Variants in PSME4 observed in about 807,000 individuals in gnomAD.
PSME4 encodes the protein proteasome activator subunit 4, also known as proteasome activator complex subunit 4.
Under a neutral mutation model 253.9 loss-of-function variants are expected in PSME4, and 89 were observed. The observed-to-expected ratio is 0.35, with a 90% CI of 0.30 to 0.42. The LOEUF (loss-of-function observed/expected upper bound fraction) is 0.42, where lower values mean the gene tolerates loss of function less well. Among genes scored for constraint, PSME4 ranks in the 10% least tolerant of loss-of-function variants. The probability of loss-of-function intolerance (pLI) is 1.00; values close to 1 mark genes in which losing one functional copy is unlikely to be tolerated. For missense variants in PSME4, 2,014 were observed against 2,195.2 expected (o/e 0.92, Z 1.65); for synonymous variants, 851 against 759.2 (o/e 1.12, Z -1.99).
chr2:53,915,568 T>G (rs1668021520), intron 20 of PSME4, among the ~76,000 whole-genome samples: 1 of 152,054 alleles, frequency 6.6e-6, no homozygotes, highest in Non-Finnish European at 1.5e-5. Context: ...CTCTATATTT[T>G]TTTTAAAGTA....
chr2:53,892,987 T>C, intron 35 of PSME4, 27 bp from the exon 36 acceptor site: 1 of 1,585,698 alleles, frequency 6.3e-7, no homozygotes, highest in Non-Finnish European at 8.6e-7. Context: ...TGTTCTTCAG[T>C]ACTCAAATGA....
At chr2:53,909,042 T>C (rs59972506) in intron 21 of PSME4, among the ~76,000 whole-genome samples, 31 of 152,072 alleles carry the variant, frequency 2.0e-4, no homozygotes, top group African/African-American at 6.7e-4. Context: ...TTATGAGATG[T>C]CTATCATGCT....
At chr2:53,908,043 A>G in intron 24 of PSME4, 1 of 334,560 alleles carries the variant, frequency 3.0e-6, no homozygotes, top group Admixed American at 4.5e-5. Flanking sequence ...AAATTCCTTC[A>G]AGTTCTTACA....
At chr2:53,932,868 T>G (rs946216556) in intron 8 of PSME4, 108 bp from the exon 9 acceptor site, 4 of 740,462 alleles carry the variant, frequency 5.4e-6, no homozygotes, top group Non-Finnish European at 8.9e-6. Flanking sequence ...TATAGTCAAC[T>G]TGCTGACAAA....
Position 53,925,602 on chromosome 2 carries a change from G to C in PSME4, c.1746C>G (p.Val582=), listed in dbSNP as rs780786714. Residue 582 remains valine (V), a synonymous_variant, in exon 14 of 47, where the codon GTC becomes GTG. Coordinates refer to ENST00000404125, the MANE Select transcript of PSME4 (RefSeq NM_014614.3). ...TAAACGTAGAAGACAGACCTAATTC[G>C]ACCAAACTCTCCAAGTGTGTCATTT... ...TEKMTHLESL[V]ELGLSSTFST... is the part of the protein sequence containing the mutation. 2 of 1,609,776 alleles carry C rather than the reference G, an allele frequency of 1.2e-6. No homozygotes were observed. Among genetic ancestry groups the C allele is most frequent in the South Asian group, 2.2e-5 (2 of 90,814 alleles).
intron 7 of PSME4, among the ~76,000 whole-genome samples, chr2:53,934,983 G>C (rs1314989416): frequency 1.3e-5 from 2 of 152,224 alleles, no homozygotes; most frequent in Non-Finnish European, 2.9e-5. Flanking sequence ...CCAAAGAACA[G>C]ACAAATGTGA....
At chr2:53,966,589 G>A (rs891485809) in intron 1 of PSME4, among the ~76,000 whole-genome samples, 1 of 151,994 alleles carries the variant, frequency 6.6e-6, no homozygotes, top group Non-Finnish European at 1.5e-5. Context: ...TAATAATGTT[G>A]GAGGCAAGGC....
intron 20 of PSME4, among the ~76,000 whole-genome samples, chr2:53,918,555 G>T (rs1399800736): frequency 6.6e-6 from 1 of 152,004 alleles, no homozygotes; most frequent in Non-Finnish European, 1.5e-5. Flanking sequence ...CATCCAGGCT[G>T]ATCTCAAACT....
chr2:53,876,110 A>G (rs890141606), intron 41 of PSME4, among the ~76,000 whole-genome samples: 2 of 152,254 alleles, frequency 1.3e-5, no homozygotes, highest in Non-Finnish European at 2.9e-5. Context: ...CGTTACAGTT[A>G]TAATATAAAA....
intron 1 of PSME4, among the ~76,000 whole-genome samples, chr2:53,955,820 G>T (rs1170197836): frequency 6.6e-6 from 1 of 152,012 alleles, no homozygotes; most frequent in African/African-American, 2.4e-5. Context: ...AACTCAGGAG[G>T]CTGAGGTGGG....
chr2:53,898,068 A>C, intron 30 of PSME4, 69 bp from the exon 31 acceptor site: 2 of 1,502,794 alleles, frequency 1.3e-6, no homozygotes, highest in South Asian at 2.4e-5. Flanking sequence ...ACTGTATGTG[A>C]AACACCTTAT....
chr2:53,925,712 A>T (rs1452814367), intron 13 of PSME4, 23 bp from the exon 14 acceptor site: 1 of 1,587,792 alleles, frequency 6.3e-7, no homozygotes, highest in Admixed American at 1.7e-5. Context: ...AACAAAGCAT[A>T]ATTTCAGCAA....
intron 26 of PSME4, among the ~76,000 whole-genome samples, chr2:53,904,612 C>T (rs1284478937): frequency 6.6e-6 from 1 of 152,196 alleles, no homozygotes; most frequent in African/African-American, 2.4e-5. Context: ...ACCTTAAGTA[C>T]AATCTCACAT....
At position 53,928,433 on chromosome 2, in the gene PSME4, G is replaced by GA. The variant is rs1180109571; in HGVS notation, c.1317-131dup. On this transcript the variant is annotated intron_variant, in intron 10 of 46. Coordinates refer to ENST00000404125, the MANE Select transcript of PSME4 (RefSeq NM_014614.3). ...TTACAGTTAGCAAAATACTCAGAGT[G>GA]AAAATCTGCAATCAAAGTTAACAAT... The GA allele has an allele frequency of 1.0e-5, 7 of 695,822 alleles. No individual in the cohort carries two copies. The East Asian group carries it at 1.1e-4, about 11-fold the overall frequency. 43.1% of individuals were successfully genotyped at this position (695,822 alleles called of 1,614,324 possible).
rs1028404895 is a variant in PSME4, at chr2:53,970,787, G to A, written c.-3C>T. 3.9e-6 allele frequency: 6 copies of A among 1,535,664 alleles called. No individual in the cohort carries two copies. Among genetic ancestry groups the A allele is most frequent in the Non-Finnish European group, 5.3e-6 (6 of 1,141,608 alleles). ...CCCGCCCGCTCGGCCGGCTCCATGA[G>A]CCCAGGGACACCCCCCCCACCCCCT... On this transcript the variant is annotated 5_prime_UTR_variant, in exon 1 of 47. Coordinates refer to ENST00000404125, the MANE Select transcript of PSME4 (RefSeq NM_014614.3).
chr2:53,866,263 G>C (rs1221569891), intron 45 of PSME4, 40 bp from the exon 46 acceptor site: 4 of 1,603,142 alleles, frequency 2.5e-6, no homozygotes, highest in Non-Finnish European at 2.6e-6. Flanking sequence ...AACCTCTCTG[G>C]ACAACCAGGA....
intron 30 of PSME4, 86 bp from the exon 31 acceptor site, chr2:53,898,085 A>C: frequency 6.9e-7 from 1 of 1,453,398 alleles, no homozygotes; most frequent in African/African-American, 1.4e-5. Context: ...TTATAATTTT[A>C]AATTTCTCAA....
Position 53,928,235 on chromosome 2 carries a change from C to G in PSME4, c.1385G>C (p.Gly462Ala). 7 of 1,614,090 alleles carry G rather than the reference C, an allele frequency of 4.3e-6. No individual in the cohort carries two copies. The highest frequency in any genetic ancestry group is 5.9e-6 in the Non-Finnish European group (7 of 1,179,968). ...QLTATLSCVI[G>A]VARSLVSGGR... Reference sequence around the variant, plus strand: ...TCCTGATACCAAACTGCGGGCTACTCCAATTACACAACTTAAAGTAGCTGT... The same window carrying G: ...TCCTGATACCAAACTGCGGGCTACTGCAATTACACAACTTAAAGTAGCTGT... The change falls in exon 11 of 47, where the codon GGA becomes GCA. Residue 462 changes from glycine (G) to alanine (A), a missense_variant. Gly to Ala is a moderately conservative substitution (Grantham distance 60). This residue lies in a region of PSME4 where 615 missense variants were observed against 594.4 expected (regional missense o/e 1.03). Transcript: ENST00000404125.
intron 40 of PSME4, 129 bp downstream of exon 40, chr2:53,887,129 TA>T: frequency 1.3e-6 from 1 of 791,252 alleles, no homozygotes; most frequent in Non-Finnish European, 2.0e-6. Context: ...ACTGTACACT[TA>T]AAAATGGTTA....
Sources: allele counts gnomAD v4.1 joint callset (sites outside exome capture counted in the v4.1 genomes callset), GRCh38; gene constraint gnomAD v4.1.1; regional missense constraint gnomAD v4.1.1; transcripts MANE v1.5; gene names NCBI Gene and HGNC (gene_info 2026-07-23, HGNC 2026-07-21).